RRP12: variants seen among roughly 807,000 people sequenced by gnomAD.
RRP12 encodes RRP12-like protein.
In RRP12, 78 loss-of-function variants were observed where a neutral mutation model predicts 157.3. The ratio of observed to expected loss-of-function variants is 0.50; its 90% CI spans 0.41 to 0.60. The LOEUF is 0.60. Among genes scored for constraint, RRP12 ranks in the 20% least tolerant of loss-of-function variants. The pLI is 0.00. For missense variants in RRP12, 1,521 were observed against 1,679.9 expected (o/e 0.91, Z 1.65); for synonymous variants, 726 against 670.9 (o/e 1.08, Z -1.27).
chr10:97,369,142 T>C (rs1449619563), intron 25 of RRP12, among the ~76,000 whole-genome samples: 1 of 152,018 alleles, frequency 6.6e-6, no homozygotes, highest in African/African-American at 2.4e-5. Flanking sequence ...GCCCAGTTTC[T>C]CCATCTGTAA....
chr10:97,375,271 A>AAG (rs1844274021), intron 15 of RRP12, among the ~76,000 whole-genome samples: 2 of 151,178 alleles, frequency 1.3e-5, no homozygotes, highest in Non-Finnish European at 3.0e-5. Context: ...TAAAAAAAAA[A>AAG]AAAAAAAATT....
intron 10 of RRP12, among the ~76,000 whole-genome samples, chr10:97,382,643 T>C (rs61863819): frequency 0.3 from 45,087 of 152,072 alleles, 6,954 homozygotes; most frequent in South Asian, 0.36. Context: ...AGCAATGTGG[T>C]TCCAGAGTAT....
Position 97,390,436 on chromosome 10 carries a change from T to A in RRP12, c.740A>T (p.His247Leu), listed in dbSNP as rs749381317. 6.2e-7 allele frequency: 1 copy of A among 1,613,422 alleles called. No homozygotes were observed. ...TAGTAGTCTCACCTTGGGCTTGGGATGCACCGTGAAGCTCAGCAGCCCATG... is the reference window on the plus strand; with the variant it reads ...TAGTAGTCTCACCTTGGGCTTGGGAAGCACCGTGAAGCTCAGCAGCCCATG... Reference protein sequence around the residue: ...VYHGLLSFTVHPKPKIRKAAQ... With the variant: ...VYHGLLSFTVLPKPKIRKAAQ... The change falls in exon 6 of 34, where the codon CAT becomes CTT. Residue 247 changes from histidine (H) to leucine (L), a missense_variant. His to Leu is a moderately conservative substitution (Grantham distance 99, BLOSUM62 -3). Coordinates refer to ENST00000370992, the MANE Select transcript of RRP12 (RefSeq NM_015179.4).
At chr10:97,380,090 C>G (rs1844424780) in intron 13 of RRP12, among the ~76,000 whole-genome samples, 1 of 152,238 alleles carries the variant, frequency 6.6e-6, no homozygotes, top group South Asian at 2.1e-4. Context: ...GCTGAGGAGA[C>G]AGAGGTGCAC....
In RRP12 at chr10:97,358,976, C is replaced by T. The variant is rs147408915; in HGVS notation, c.3675G>A (p.Lys1225=). 8.7e-6 allele frequency: 14 copies of T among 1,613,828 alleles called. No individual in the cohort carries two copies. The African/African-American group carries it at 1.7e-4, about 20-fold the overall frequency. ...TGTATTCAGCCCCAGGCATAGCCTT[C>T]TTGGCCACAGGGCGATGAATGCCAG... ...GGSGIHRPVA[K]KAMPGAEYKA... The change falls in exon 32 of 34, where the codon AAG becomes AAA. Residue 1225 remains lysine (K), a synonymous_variant. Transcript: ENST00000370992.
chr10:97,384,463 G>T (rs1259012313), intron 10 of RRP12, among the ~76,000 whole-genome samples: 3 of 141,776 alleles, frequency 2.1e-5, no homozygotes, highest in Admixed American at 6.9e-5. Flanking sequence ...CAGCCTGGAC[G>T]GAGGCCCTAA....
chr10:97,390,871 C>G, intron 4 of RRP12, 27 bp from the exon 5 acceptor site: 1 of 1,463,502 alleles, frequency 6.8e-7, no homozygotes, highest in South Asian at 1.1e-5. Context: ...AGATGGTCAC[C>G]CCAGAGGGTC....
intron 25 of RRP12, among the ~76,000 whole-genome samples, chr10:97,367,625 G>A (rs772349228): frequency 1.3e-5 from 2 of 152,128 alleles, no homozygotes; most frequent in Non-Finnish European, 2.9e-5. Flanking sequence ...ATTCTGCTCT[G>A]GCTGGATTCC....
Position 97,366,191 on chromosome 10 carries a change from C to A in RRP12, c.3434G>T (p.Gly1145Val). 1 of 1,611,354 alleles carries A rather than the reference C, an allele frequency of 6.2e-7. No individual in the cohort carries two copies. The highest frequency in any genetic ancestry group is 8.5e-7 in the Non-Finnish European group (1 of 1,179,950). Residue 1145 changes from glycine (G) to valine (V), a missense_variant, in exon 29 of 34, where the codon GGC (glycine) becomes GTC (valine). Gly to Val is a moderately radical substitution (Grantham distance 109). Transcript: ENST00000370992. ...GPGRGRKKDH[G>V]FKVSADGRLI... is the part of the protein sequence containing the mutation. Reference sequence around the variant, plus strand: ...CCGGCCATCGGCGCTCACCTTGAAGCCGTGGTCCTTCTTCCTGCCCCGGCC... The same window carrying A: ...CCGGCCATCGGCGCTCACCTTGAAGACGTGGTCCTTCTTCCTGCCCCGGCC...
At chr10:97,389,648 C>T (rs1844746012) in intron 6 of RRP12, among the ~76,000 whole-genome samples, 1 of 152,134 alleles carries the variant, frequency 6.6e-6, no homozygotes. Flanking sequence ...GGAGGTGCGC[C>T]AGGCCTGTGG....
chr10:97,368,497 G>A (rs1810983), intron 25 of RRP12, among the ~76,000 whole-genome samples: 59,241 of 151,226 alleles, frequency 0.39, 12,262 homozygotes, highest in African/African-American at 0.54. Flanking sequence ...AGCTGGGATT[G>A]CAGGCACCTG....
chr10:97,400,393 G>A lies in RRP12; in HGVS notation c.281C>T (p.Thr94Ile). ...GCAGTCGGAAAGGCCACTCAGGAAG[G>A]TACCCGAGGACTTCTCGGTGAGAAC... ...ELVLTEKSSG[T>I]FLSGLSDCTN... Residue 94 changes from threonine (T) to isoleucine (I), a missense_variant, in exon 2 of 34, where the codon ACC becomes ATC. Coordinates refer to ENST00000370992, the MANE Select transcript of RRP12 (RefSeq NM_015179.4). 6.2e-7 allele frequency: 1 copy of A among 1,613,976 alleles called. No homozygotes were observed. Among genetic ancestry groups the A allele is most frequent in the Non-Finnish European group, 8.5e-7 (1 of 1,180,018 alleles).
At position 97,366,600 on chromosome 10, in the gene RRP12, G is replaced by A. The variant is rs1304069324; in HGVS notation, c.3237C>T (p.Asp1079=). The change falls in exon 28 of 34, where the codon GAC becomes GAT. Residue 1079 remains aspartate (D), a synonymous_variant. Transcript: ENST00000370992. The stretch of plus-strand genomic sequence containing the variant: ...CCTCATTGTCCTCCTCGTCCTCTGA[G>A]TCAGCTAAAATCTCCTCAATGCTAA... The part of the protein sequence containing the change: ...KGDSIEEILA[D]SEDEEDNEEE... The A allele has an allele frequency of 1.2e-6, 2 of 1,613,404 alleles. No individual in the cohort carries two copies. Among genetic ancestry groups the A allele is most frequent in the Admixed American group, 1.7e-5 (1 of 59,934 alleles).
Position 97,358,984 on chromosome 10 carries a change from C to T in RRP12, c.3667G>A (p.Val1223Met). ...GCCCCAGGCATAGCCTTCTTGGCCA[C>T]AGGGCGATGAATGCCAGAGCCTCCA... ...QAGGSGIHRP[V>M]AKKAMPGAEY... Residue 1223 changes from valine to methionine, a missense_variant, in exon 32 of 34, where the codon GTG becomes ATG. Coordinates refer to ENST00000370992, the MANE Select transcript of RRP12 (RefSeq NM_015179.4). 1 of 1,613,934 alleles carries T rather than the reference C, an allele frequency of 6.2e-7. No homozygotes were observed. The highest frequency in any genetic ancestry group is 8.5e-7 in the Non-Finnish European group (1 of 1,179,950).
Position 97,401,279 on chromosome 10 carries a change from G to C in RRP12, c.-48C>G. 1.2e-6 allele frequency: 2 copies of C among 1,610,500 alleles called. No individual in the cohort carries two copies. The highest frequency in any genetic ancestry group is 1.7e-5 in the Admixed American group (1 of 59,848). ...ATGAGCTTAAATGACCGGCTTCCAG[G>C]GACGTAGAAACACGCTCAGAACCCA... On this transcript the variant is annotated 5_prime_UTR_variant, in exon 1 of 34. Transcript: ENST00000370992.
rs372507193 is a variant in RRP12 at position 97,357,214 on chromosome 10, G to A, written c.3792-18C>T. On this transcript the variant is annotated intron_variant, in intron 33 of 33. Coordinates refer to ENST00000370992, the MANE Select transcript of RRP12 (RefSeq NM_015179.4). ...TCTTCTTCCTGCAGGGCCAAGGAAC[G>A]GAAGGGTCACATCTGGCTGAGAATA... 90 of 1,525,114 alleles carry A rather than the reference G, an allele frequency of 5.9e-5. No individual in the cohort carries two copies. The African/African-American group carries it at 6.6e-4, about 11-fold the overall frequency. 94.5% of individuals were successfully genotyped at this position (1,525,114 alleles called of 1,614,324 possible).
chr10:97,382,932 T>C (rs746609500), intron 10 of RRP12, among the ~76,000 whole-genome samples: 1 of 152,086 alleles, frequency 6.6e-6, no homozygotes, highest in Non-Finnish European at 1.5e-5. Context: ...CAGATAATTT[T>C]TGTATTTTTA....
chr10:97,366,764 G>A lies in RRP12; in HGVS notation c.3193C>T (p.Pro1065Ser). 6.2e-7 allele frequency: 1 copy of A among 1,603,414 alleles called. No homozygotes were observed. The highest frequency in any genetic ancestry group is 8.5e-7 in the Non-Finnish European group (1 of 1,172,456). Residue 1065 changes from proline (P) to serine (S), a missense_variant, in exon 27 of 34, where the codon CCC becomes TCC. Pro to Ser is a moderately conservative substitution (Grantham distance 74, BLOSUM62 -1). Transcript: ENST00000370992. ...CACCTGTCACCTTTGCCCTGGGCGG[G>A]CTCCTCCTCCTCCTCCTCCTCTTCT... Reference protein sequence around the residue: ...EEEEEEEEEEPAQGKGDSIEE... With the variant: ...EEEEEEEEEESAQGKGDSIEE...
Position 97,370,722 on chromosome 10 carries a change from G to T in RRP12, c.2577C>A (p.Ile859=). ...AACACACCCGCACACTCACCTCTGG[G>T]ATGAGGGCAGTGATGAACTCCTTGT... ...AEHKEFITAL[I]PEVILCTKEV... The change falls in exon 22 of 34, where the codon ATC becomes ATA. Residue 859 remains isoleucine (I), a synonymous_variant. Coordinates refer to ENST00000370992, the MANE Select transcript of RRP12 (RefSeq NM_015179.4). 1 of 1,613,988 alleles carries T rather than the reference G, an allele frequency of 6.2e-7. No homozygotes were observed. Among genetic ancestry groups the T allele is most frequent in the South Asian group, 1.1e-5 (1 of 91,080 alleles).
Sources: allele counts gnomAD v4.1 joint callset (sites outside exome capture counted in the v4.1 genomes callset), GRCh38; gene constraint gnomAD v4.1.1; transcripts MANE v1.5; gene names NCBI Gene and HGNC (gene_info 2026-07-23, HGNC 2026-07-21).